Variants in KIAA1671 observed in about 807,000 individuals in gnomAD.
KIAA1671 encodes the protein uncharacterized protein KIAA1671.
In KIAA1671, 52 loss-of-function variants were observed where a neutral mutation model predicts 131.2. That is an observed-to-expected ratio of 0.40 (90% CI 0.32 to 0.50). The LOEUF (loss-of-function observed/expected upper bound fraction) is 0.50, where lower values mean the gene tolerates loss of function less well. Among genes scored for constraint, KIAA1671 ranks in the 20% least tolerant of loss-of-function variants. The pLI is 0.73. For synonymous variants in KIAA1671, 1,003 were observed against 961.6 expected, an observed-to-expected ratio of 1.04 and a Z score of -0.80; for missense variants, 2,360 against 2,364.2, an observed-to-expected ratio of 1.00 and a Z score of 0.04.
intron 1 of KIAA1671, among the ~76,000 whole-genome samples, chr22:24,991,875 G>T (rs542487954): frequency 1.3e-5 from 2 of 152,232 alleles, no homozygotes; most frequent in East Asian, 3.9e-4. Context: ...GGGGATGAGT[G>T]TAAATAAGCG....
chr22:25,155,035 C>G (rs190729144), intron 6 of KIAA1671, among the ~76,000 whole-genome samples: 1 of 152,214 alleles, frequency 6.6e-6, no homozygotes, highest in Non-Finnish European at 1.5e-5. Flanking sequence ...CCCTCTCCCC[C>G]ACTCTGTCTG....
At chr22:25,071,441 G>C (rs7288255) in intron 6 of KIAA1671, among the ~76,000 whole-genome samples, 18,841 of 151,950 alleles carry the variant, frequency 0.12, 1,194 homozygotes, top group South Asian at 0.18. Context: ...GATCCCCCCA[G>C]TCCATATTGT....
At chr22:25,122,249 CCAAT>C (rs1931981712) in intron 6 of KIAA1671, among the ~76,000 whole-genome samples, 1 of 152,106 alleles carries the variant, frequency 6.6e-6, no homozygotes, top group Non-Finnish European at 1.5e-5. Context: ...AAGCAGCTTT[CCAAT>C]CAGACACGCT....
At position 25,116,774 on chromosome 22, in the gene KIAA1671, G is replaced by A. The variant is rs539355187; in HGVS notation, c.4531-54046G>A. On this transcript the variant is annotated intron_variant, in intron 6 of 12. Coordinates refer to ENST00000358431, the MANE Select transcript of KIAA1671 (RefSeq NM_001145206.2). ...CCACAACTCTGGTGCAGGAGAAATGGCTGTGAACGAAAGAGACAAAACTCC... is the reference window on the plus strand; with the variant it reads ...CCACAACTCTGGTGCAGGAGAAATGACTGTGAACGAAAGAGACAAAACTCC... Among the ~76,000 whole-genome samples, 9 of 152,254 alleles carry A rather than the reference G, an allele frequency of 5.9e-5. No individual in the cohort carries two copies. The South Asian group carries it at 1.9e-3, about 32-fold the overall frequency.
intron 6 of KIAA1671, among the ~76,000 whole-genome samples, chr22:25,140,781 G>A (rs1418247297): frequency 1.3e-5 from 2 of 152,332 alleles, no homozygotes; most frequent in Admixed American, 6.5e-5. Flanking sequence ...ACAGGCATCC[G>A]TAGGAGGTTC....
At chr22:24,997,306 ATGCGCATTAGCTCTCACGAGTAC>A (rs1032675850) in intron 1 of KIAA1671, among the ~76,000 whole-genome samples, 1 of 152,178 alleles carries the variant, frequency 6.6e-6, no homozygotes, top group African/African-American at 2.4e-5. Flanking sequence ...TTAGGGACCC[ATGCGCATTAGCTCTCACGAGTAC>A]TGATGTCACT....
At chr22:25,067,953 G>A (rs972151297) in intron 6 of KIAA1671, among the ~76,000 whole-genome samples, 5 of 152,280 alleles carry the variant, frequency 3.3e-5, no homozygotes, top group Admixed American at 2.0e-4. Flanking sequence ...GACACGCAGC[G>A]CCAGGGGTAC....
chr22:25,176,141 A>G (rs1477233316), intron 8 of KIAA1671: 1 of 152,224 alleles, frequency 6.6e-6, no homozygotes, highest in Non-Finnish European at 1.5e-5. Flanking sequence ...CGGAGAAGCA[A>G]GCCTGCCTCT....
At chr22:25,018,134 C>T (rs1925438358) in intron 1 of KIAA1671, among the ~76,000 whole-genome samples, 1 of 148,640 alleles carries the variant, frequency 6.7e-6, no homozygotes, top group Non-Finnish European at 1.5e-5. Context: ...TTCTATAACC[C>T]CCCTGTCTGC....
chr22:25,085,004 G>A (rs535520542), intron 6 of KIAA1671, among the ~76,000 whole-genome samples: 1 of 152,248 alleles, frequency 6.6e-6, no homozygotes, highest in Non-Finnish European at 1.5e-5. Context: ...TGCAGCCACA[G>A]GACTTACATA....
intron 11 of KIAA1671, among the ~76,000 whole-genome samples, chr22:25,186,897 G>C (rs1349336529): frequency 6.6e-6 from 1 of 152,206 alleles, no homozygotes. Context: ...GAGGGCTCCA[G>C]CATTTCTCTG....
At chr22:25,065,431 C>T (rs942580120) in intron 6 of KIAA1671, among the ~76,000 whole-genome samples, 1 of 152,000 alleles carries the variant, frequency 6.6e-6, no homozygotes. Context: ...GCCCCGTCCC[C>T]ACATAGGAAT....
At chr22:25,116,774 G>T (rs539355187) in intron 6 of KIAA1671, among the ~76,000 whole-genome samples, 3 of 152,136 alleles carry the variant, frequency 2.0e-5, no homozygotes, top group Non-Finnish European at 4.4e-5. Flanking sequence ...AGGAGAAATG[G>T]CTGTGAACGA....
At chr22:25,149,067 G>A (rs1480209098) in intron 6 of KIAA1671, among the ~76,000 whole-genome samples, 4 of 150,550 alleles carry the variant, frequency 2.7e-5, no homozygotes, top group African/African-American at 4.9e-5. Context: ...TACGAGCACC[G>A]TAACAATCAC....
intron 6 of KIAA1671, among the ~76,000 whole-genome samples, chr22:25,072,361 T>A (rs1484505333): frequency 6.6e-6 from 1 of 152,156 alleles, no homozygotes; most frequent in Non-Finnish European, 1.5e-5. Flanking sequence ...AGAGGTAGGA[T>A]GAGGCAGTTT....
chr22:25,101,725 G>A (rs9612863), intron 6 of KIAA1671, among the ~76,000 whole-genome samples: 56,252 of 151,958 alleles, frequency 0.37, 10,717 homozygotes, highest in Middle Eastern at 0.43. Context: ...GATGTTTGGA[G>A]TCCTGTGACT....
rs1934831288 is a variant in KIAA1671, at chr22:25,196,447, T to C, written c.*4046T>C. The C allele has an allele frequency of 6.6e-6, 1 of 152,124 alleles. No homozygotes were observed. Among genetic ancestry groups the C allele is most frequent in the Admixed American group, 6.5e-5 (1 of 15,274 alleles). 9.4% of individuals were successfully genotyped at this position (152,124 alleles called of 1,614,324 possible). A position where few individuals can be genotyped will look rare whatever the true frequency, so the allele number is the denominator to read the frequency against. On this transcript the variant is annotated 3_prime_UTR_variant, in exon 13 of 13. Transcript: ENST00000358431. ...AGAATTTGAACTTTTTTTTTTTTCT[T>C]TTCTTGAGACACGGTCTTGCTCTGT...
At chr22:25,083,547 A>C (rs1423728963) in intron 6 of KIAA1671, among the ~76,000 whole-genome samples, 1 of 152,228 alleles carries the variant, frequency 6.6e-6, no homozygotes, top group East Asian at 1.9e-4. Flanking sequence ...TGCATTTTAC[A>C]GATAAGGAAA....
chr22:24,953,248 G>T (rs919654070), intron 1 of KIAA1671, among the ~76,000 whole-genome samples: 2 of 152,180 alleles, frequency 1.3e-5, no homozygotes, highest in Admixed American at 1.3e-4. Context: ...GAGAGATCCC[G>T]TGGCTAGGAG....
Sources: gnomAD v4.1 joint callset for allele counts (sites outside exome capture counted in the v4.1 genomes callset) on GRCh38, gnomAD v4.1.1 for gene constraint, MANE v1.5 for transcripts, NCBI Gene and HGNC (gene_info 2026-07-23, HGNC 2026-07-21) for gene names.